The following PREPL variants were observed in gnomAD, a reference collection of about 807,000 sequenced individuals.
PREPL encodes the protein prolyl endopeptidase-like.
Under a neutral mutation model 70.6 loss-of-function variants are expected in PREPL, and 77 were observed. The observed-to-expected ratio is 1.09, with a 90% CI of 0.91 to 1.32. The LOEUF (loss-of-function observed/expected upper bound fraction) is 1.32. Ranked by LOEUF, PREPL falls within the 40% of genes most tolerant of loss-of-function variation. The pLI is 0.00. For synonymous variants in PREPL, 315 were observed against 264.8 expected (o/e 1.19, Z -1.84); for missense variants, 1,002 against 778.2 (o/e 1.29, Z -3.42).
intron 1 of PREPL, chr2:44,360,354 C>T (rs1045679572): frequency 2.6e-5 from 4 of 152,224 alleles, no homozygotes; most frequent in African/African-American, 9.6e-5. Context: ...GGTTGCCAAA[C>T]TGTGGCTGTG....
chr2:44,349,626 C>A (rs889189205), intron 1 of PREPL, among the ~76,000 whole-genome samples: 5 of 152,056 alleles, frequency 3.3e-5, no homozygotes, highest in African/African-American at 1.2e-4. Flanking sequence ...AAAGTTGGTT[C>A]TTTTAGAAAC....
chr2:44,326,957 T>A (rs747124567), intron 9 of PREPL, 29 bp from the exon 10 acceptor site: 1 of 1,596,316 alleles, frequency 6.3e-7, no homozygotes. Context: ...AAAGTTTTAG[T>A]GGAAAAAAAA....
chr2:44,342,493 GA>G lies in PREPL; in HGVS notation c.408del (p.Arg137AlafsTer42). ...DVLFYTFQRNLRCHDVYRATF... is the reference protein window; with the variant it reads ...DVLFYTFQRNXRCHDVYRATF... Reference sequence around the variant, plus strand: ...GTGGCTCGATATACGTCATGACAGCGAAGGTTCCTCTGGAAGGTGTAGAATA... The same window carrying G: ...GTGGCTCGATATACGTCATGACAGCGAGGTTCCTCTGGAAGGTGTAGAATA... On this transcript the variant is annotated frameshift_variant, in exon 5 of 14. Coordinates refer to ENST00000409411, the MANE Select transcript of PREPL (RefSeq NM_001171613.2). LOFTEE classifies it high-confidence loss of function. The G allele has an allele frequency of 1.2e-6, 2 of 1,612,460 alleles. No individual in the cohort carries two copies.
Position 44,338,540 on chromosome 2 carries a change from C to A in PREPL, c.703-4G>T, listed in dbSNP as rs185432623. ...TATCAGCCGCTGTTCTCATTAGCTACGTGGAACAAAGTTAGAAGACATATA... is the reference window on the plus strand; with the variant it reads ...TATCAGCCGCTGTTCTCATTAGCTAAGTGGAACAAAGTTAGAAGACATATA... On this transcript the variant is annotated splice_region_variant and splice_polypyrimidine_tract_variant and intron_variant, in intron 6 of 13. Transcript: ENST00000409411. 4 of 1,596,522 alleles carry A rather than the reference C, an allele frequency of 2.5e-6. No homozygotes were observed. The South Asian group carries it at 4.5e-5, about 18-fold the overall frequency.
At position 44,320,565 on chromosome 2, in the gene PREPL, T is replaced by C. The variant is rs1345431062; in HGVS notation, c.*791A>G. 6.2e-7 allele frequency: 1 copy of C among 1,614,040 alleles called. No homozygotes were observed. The highest frequency in any genetic ancestry group is 1.3e-5 in the African/African-American group (1 of 75,034). ...GAATCTCCTTCATCGCCAAACAGCT[T>C]TCAGAGATAGATGCTTTGTTTCCAA... On this transcript the variant is annotated 3_prime_UTR_variant, in exon 14 of 14. Coordinates refer to ENST00000409411, the MANE Select transcript of PREPL (RefSeq NM_001171613.2).
intron 1 of PREPL, chr2:44,359,633 A>C (rs2104271080): frequency 6.2e-7 from 1 of 1,612,486 alleles, no homozygotes. Context: ...ATAGTGATTC[A>C]AATGCTGTTT....
At chr2:44,346,642 C>T (rs1336645246) in intron 1 of PREPL, among the ~76,000 whole-genome samples, 1 of 151,752 alleles carries the variant, frequency 6.6e-6, no homozygotes, top group Non-Finnish European at 1.5e-5. Context: ...TGAATAAGTC[C>T]TTAAGAAGCA....
At chr2:44,359,403 A>T in intron 1 of PREPL, 1 of 996,086 alleles carries the variant, frequency 1.0e-6, no homozygotes, top group Non-Finnish European at 1.5e-6. Flanking sequence ...AATTACTGAG[A>T]AAATTAGTAG....
rs375022100 is a variant in PREPL, at chr2:44,321,353, G to C, written c.*3C>G. Reference sequence around the variant, plus strand: ...TTTCCAATTCCCAGTTGAATGCAGTGTTTCAGAATTTCAGGTATTTCTTAA... The same window carrying C: ...TTTCCAATTCCCAGTTGAATGCAGTCTTTCAGAATTTCAGGTATTTCTTAA... On this transcript the variant is annotated 3_prime_UTR_variant, in exon 14 of 14. Transcript: ENST00000409411. 2 of 1,596,754 alleles carry C rather than the reference G, an allele frequency of 1.3e-6. No homozygotes were observed. The highest frequency in any genetic ancestry group is 1.7e-6 in the Non-Finnish European group (2 of 1,164,940).
At chr2:44,360,040 TA>T in intron 1 of PREPL, 1 of 215,294 alleles carries the variant, frequency 4.6e-6, no homozygotes, top group South Asian at 1.2e-4. Context: ...GGGGTTAAAC[TA>T]AAACAAAAAA....
chr2:44,339,359 A>G lies in PREPL; in HGVS notation c.490T>C (p.Phe164Leu). Residue 164 changes from phenylalanine to leucine, a missense_variant, in exon 6 of 14, where the codon TTT becomes CTT. Transcript: ENST00000409411. ...TCTTTTGTAAGATAAAGGAAAACAA[A>G]GTAGCTAGAGAGAGAGAGAGAGACA... ...RFYTEKDPSY[F>L]VFLYLTKDSR... 1 of 1,613,640 alleles carries G rather than the reference A, an allele frequency of 6.2e-7. No individual in the cohort carries two copies. Among genetic ancestry groups the G allele is most frequent in the Non-Finnish European group, 8.5e-7 (1 of 1,179,846 alleles).
rs577830239 is a variant in PREPL, at chr2:44,328,122, C to T, written c.1262+815G>A. 2.6e-5 allele frequency among the ~76,000 whole-genome samples: 4 copies of T among 151,794 alleles called. No homozygotes were observed. The South Asian group carries it at 8.3e-4, about 32-fold the overall frequency. The stretch of plus-strand genomic sequence containing the variant: ...CCAACATGGTGAAACCCCATCGCTA[C>T]AAAAATTTCAAAAATTAGTCAGGAG... On this transcript the variant is annotated intron_variant, in intron 9 of 13. Coordinates refer to ENST00000409411, the MANE Select transcript of PREPL (RefSeq NM_001171613.2).
intron 10 of PREPL, among the ~76,000 whole-genome samples, chr2:44,323,785 G>A (rs1480010083): frequency 6.6e-6 from 1 of 152,150 alleles, no homozygotes; most frequent in Non-Finnish European, 1.5e-5. Context: ...ACAAGTATTG[G>A]CAGTAATGTG....
intron 7 of PREPL, among the ~76,000 whole-genome samples, chr2:44,335,196 CAT>C (rs1383695609): frequency 6.6e-6 from 1 of 152,102 alleles, no homozygotes; most frequent in Admixed American, 6.6e-5. Flanking sequence ...AAATTAAAGA[CAT>C]AATGTTTGTT....
At chr2:44,342,630 A>C (rs929157687) in intron 4 of PREPL, 78 bp from the exon 5 acceptor site, 172 of 1,148,772 alleles carry the variant, frequency 1.5e-4, no homozygotes, top group Middle Eastern at 5.4e-4. Flanking sequence ...AGCACATTCT[A>C]ATTTTGAATG....
intron 4 of PREPL, 65 bp from the exon 5 acceptor site, chr2:44,342,617 CA>C: frequency 1.2e-6 from 1 of 828,070 alleles, no homozygotes; most frequent in Non-Finnish European, 1.9e-6. Context: ...AAAAAAAAAG[CA>C]CAGCACATTC....
intron 1 of PREPL, among the ~76,000 whole-genome samples, chr2:44,358,645 G>A (rs1012161626): frequency 3.3e-5 from 5 of 152,138 alleles, no homozygotes; most frequent in Admixed American, 6.5e-5. Flanking sequence ...GACAACAGGT[G>A]TAGGCTGGAG....
intron 7 of PREPL, among the ~76,000 whole-genome samples, chr2:44,333,367 A>G (rs1674311895): frequency 6.6e-6 from 1 of 152,150 alleles, no homozygotes; most frequent in Non-Finnish European, 1.5e-5. Context: ...TCCCTCTTAC[A>G]CCTTTTAAAG....
rs1673122088 is a variant in PREPL, at chr2:44,322,907, C to A, written c.1630-53G>T. On this transcript the variant is annotated intron_variant, in intron 11 of 13. Transcript: ENST00000409411. ...TTACATTATTTCTTATGGTCCCTTGCCACTATAGAGACTATGAAAAATAAT... is the reference window on the plus strand; with the variant it reads ...TTACATTATTTCTTATGGTCCCTTGACACTATAGAGACTATGAAAAATAAT... 14 of 1,585,510 alleles carry A rather than the reference C, an allele frequency of 8.8e-6. No homozygotes were observed. The South Asian group carries it at 1.6e-4, about 18-fold the overall frequency.
Sources: allele counts gnomAD v4.1 joint callset (sites outside exome capture counted in the v4.1 genomes callset), GRCh38; gene constraint gnomAD v4.1.1; transcripts MANE v1.5; gene names NCBI Gene and HGNC (gene_info 2026-07-23, HGNC 2026-07-21).